The following FBXW8 variants were observed in gnomAD, a reference collection of about 807,000 sequenced individuals.
The protein encoded by FBXW8 is F-box and WD repeat domain containing 8.
Under a neutral mutation model 65.3 loss-of-function variants are expected in FBXW8, and 57 were observed. The ratio of observed to expected loss-of-function variants is 0.87; its 90% CI spans 0.71 to 1.09. The LOEUF is 1.09. Among genes scored for constraint, FBXW8 ranks in the 50% least tolerant of loss-of-function variants. The probability of loss-of-function intolerance (pLI) is 0.00; values close to 1 mark genes in which losing one functional copy is unlikely to be tolerated. For synonymous variants in FBXW8, 308 were observed against 330.2 expected, an observed-to-expected ratio of 0.93 and a Z score of 0.73; for missense variants, 777 against 814.8, an observed-to-expected ratio of 0.95 and a Z score of 0.57.
At chr12:116,914,803 A>G (rs1880269298) in intron 1 of FBXW8, among the ~76,000 whole-genome samples, 1 of 152,214 alleles carries the variant, frequency 6.6e-6, no homozygotes, top group African/African-American at 2.4e-5. Flanking sequence ...TGAACCCAGG[A>G]GGCGGAGGTT....
intron 8 of FBXW8, among the ~76,000 whole-genome samples, chr12:117,021,522 G>A (rs1452027244): frequency 2.6e-5 from 4 of 152,040 alleles, no homozygotes; most frequent in Non-Finnish European, 5.9e-5. Context: ...AACTCTTTGC[G>A]CTCTCTGTAA....
intron 5 of FBXW8, among the ~76,000 whole-genome samples, chr12:116,968,676 C>G (rs556722066): frequency 5.3e-5 from 8 of 152,318 alleles, no homozygotes; most frequent in African/African-American, 1.9e-4. Flanking sequence ...CTCTTACCAG[C>G]AAGCCATGAG....
chr12:116,949,530 C>A, intron 3 of FBXW8, 88 bp from the exon 4 acceptor site: 4 of 1,101,668 alleles, frequency 3.6e-6, no homozygotes, highest in Non-Finnish European at 5.6e-6. Context: ...TAGAGAATTG[C>A]TGTGGAAAGT....
intron 8 of FBXW8, 28 bp from the exon 9 acceptor site, chr12:117,024,119 C>G: frequency 6.2e-7 from 1 of 1,603,972 alleles, no homozygotes; most frequent in Non-Finnish European, 8.5e-7. Context: ...CCCCATTTCC[C>G]TTCTCTGCTC....
chr12:117,019,943 A>G (rs1211795475), intron 8 of FBXW8, among the ~76,000 whole-genome samples: 1 of 152,226 alleles, frequency 6.6e-6, no homozygotes, highest in Non-Finnish European at 1.5e-5. Flanking sequence ...GGGCCTCAAA[A>G]GCAGAGTAGC....
At chr12:117,027,558 G>A in intron 10 of FBXW8, 54 bp downstream of exon 10, 2 of 1,353,136 alleles carry the variant, frequency 1.5e-6, no homozygotes, top group Non-Finnish European at 2.1e-6. Flanking sequence ...CTGATGTATA[G>A]AACCCCACCC....
intron 8 of FBXW8, among the ~76,000 whole-genome samples, chr12:117,011,724 G>A (rs1953823564): frequency 6.6e-6 from 1 of 152,208 alleles, no homozygotes; most frequent in African/African-American, 2.4e-5. Context: ...GCGATGTGGA[G>A]AGCTCTTTGG....
rs763321869 is a variant in FBXW8, at chr12:116,945,419, G to A, written c.479G>A (p.Cys160Tyr). 45 of 1,613,980 alleles carry A rather than the reference G, an allele frequency of 2.8e-5. No homozygotes were observed. The highest frequency in any genetic ancestry group is 3.6e-5 in the Non-Finnish European group (42 of 1,180,026). Residue 160 changes from cysteine to tyrosine, a missense_variant, in exon 3 of 11, where the codon TGC (cysteine) becomes TAC (tyrosine). Transcript: ENST00000652555. ...AEDEVLWYRL[C>Y]QQEGHLPDSS... The stretch of plus-strand genomic sequence containing the variant: ...GATGAGGTGCTGTGGTACAGGCTGT[G>A]CCAGCAGGAAGGGCACCTTCCGGAT...
At chr12:116,976,621 A>ATTT (rs58135251) in intron 5 of FBXW8, among the ~76,000 whole-genome samples, 1 of 137,956 alleles carries the variant, frequency 7.2e-6, no homozygotes, top group African/African-American at 2.7e-5. Flanking sequence ...ACACCGGCTA[A>ATTT]TTTTTTTTTT....
In FBXW8 at chr12:116,911,323, G is replaced by A. The variant is rs1879915550; in HGVS notation, c.286G>A (p.Glu96Lys). Residue 96 changes from glutamate (E) to lysine (K), a missense_variant, in exon 1 of 11, where the codon GAG (glutamate) becomes AAG (lysine). By Grantham distance (56) the Glu-to-Lys change is moderately conservative (BLOSUM62 1). Transcript: ENST00000652555. ...GGCCCGCGAGGGCGCCGGGGGCGGG[G>A]AGCAGCTGGTGGACCAGCTCATCCG... is the stretch of plus-strand genomic sequence containing the variant. ...PLAREGAGGG[E>K]QLVDQLIRDL... 1 of 1,283,744 alleles carries A rather than the reference G, an allele frequency of 7.8e-7. No individual in the cohort carries two copies. 79.5% of individuals were successfully genotyped at this position (1,283,744 alleles called of 1,614,324 possible). A position where few individuals can be genotyped will look rare whatever the true frequency, so the allele number is the denominator to read the frequency against.
intron 7 of FBXW8, among the ~76,000 whole-genome samples, chr12:116,996,512 C>A (rs200284044): frequency 4.2e-4 from 62 of 147,562 alleles, no homozygotes; most frequent in Non-Finnish European, 3.1e-4. Flanking sequence ...GTCCAGAGAA[C>A]AAAAAAAAAA....
intron 7 of FBXW8, among the ~76,000 whole-genome samples, chr12:117,009,027 C>T (rs371129545): frequency 4.7e-4 from 72 of 152,224 alleles, no homozygotes; most frequent in African/African-American, 1.6e-3. Flanking sequence ...AGATCGCGGC[C>T]ACTGCACTCC....
chr12:116,940,525 A>G, intron 2 of FBXW8, among the ~76,000 whole-genome samples: 1 of 134,720 alleles, frequency 7.4e-6, no homozygotes, highest in South Asian at 2.4e-4. Flanking sequence ...TTTGTGTTTA[A>G]AAAAAAAAAC....
chr12:116,957,134 G>T (rs1883695770), intron 4 of FBXW8, among the ~76,000 whole-genome samples: 2 of 152,104 alleles, frequency 1.3e-5, no homozygotes, highest in African/African-American at 4.8e-5. Flanking sequence ...GTCACTTGAG[G>T]TCAGGAGTTT....
At position 116,964,893 on chromosome 12, in the gene FBXW8, A is replaced by G. The variant is rs752968766; in HGVS notation, c.835+39A>G. On this transcript the variant is annotated intron_variant, in intron 5 of 10. Coordinates refer to ENST00000652555, the MANE Select transcript of FBXW8 (RefSeq NM_153348.3). Reference sequence around the variant, plus strand: ...ACCCTCCTCCCTATTAAGGAAAAAAAAAAGCTTTACAAAAATTAAGCAGCT... The same window carrying G: ...ACCCTCCTCCCTATTAAGGAAAAAAGAAAGCTTTACAAAAATTAAGCAGCT... The G allele has an allele frequency of 6.5e-6, 10 of 1,537,758 alleles. No homozygotes were observed. In the African/African-American group the frequency reaches 9.7e-5, roughly 15 times the overall value.
chr12:116,992,425 GT>G (rs147542337), intron 7 of FBXW8, among the ~76,000 whole-genome samples: 1 of 147,708 alleles, frequency 6.8e-6, no homozygotes, highest in Non-Finnish European at 1.5e-5. Flanking sequence ...TCAGAGTTTT[GT>G]TTTTTTTTTA....
chr12:116,941,484 A>C (rs563617200), intron 2 of FBXW8, among the ~76,000 whole-genome samples: 1 of 152,250 alleles, frequency 6.6e-6, no homozygotes, highest in East Asian at 1.9e-4. Context: ...TCACACATGG[A>C]GCTTGTGTGC....
intron 4 of FBXW8, chr12:116,951,130 A>G (rs1260152420): frequency 2.0e-5 from 3 of 152,300 alleles, no homozygotes; most frequent in Non-Finnish European, 4.4e-5. Context: ...TCTGTTCAAC[A>G]TTACAGATTA....
chr12:116,982,946 A>G (rs1045154072), intron 5 of FBXW8, among the ~76,000 whole-genome samples: 58 of 152,146 alleles, frequency 3.8e-4, no homozygotes, highest in African/African-American at 1.2e-3. Context: ...ATTCCAGCCC[A>G]ACTTCATGAC....
Sources: allele counts gnomAD v4.1 joint callset (sites outside exome capture counted in the v4.1 genomes callset), GRCh38; gene constraint gnomAD v4.1.1; transcripts MANE v1.5; gene names NCBI Gene and HGNC (gene_info 2026-07-23, HGNC 2026-07-21).